CHAT: variants seen among roughly 807,000 people sequenced by gnomAD.
The protein encoded by CHAT is choline O-acetyltransferase.
CHAT carries 61 observed loss-of-function variants against 76.9 expected under a neutral mutation model. That is an observed-to-expected ratio of 0.79 (90% CI 0.65 to 0.98). CHAT has a LOEUF of 0.98. CHAT is among the 50% of genes least tolerant of loss of function. The pLI is 0.00. For synonymous variants in CHAT, 407 were observed against 397.4 expected (o/e 1.02, Z -0.29); for missense variants, 946 against 986.9 (o/e 0.96, Z 0.56).
In CHAT at chr10:49,614,059, G is replaced by C; in HGVS notation, c.-131G>C. ...GGGAAATGCTGAGCTAGGGGCAGGAGGCATGGGCGGGACAGTGTTCTGTGC... is the reference window on the plus strand; with the variant it reads ...GGGAAATGCTGAGCTAGGGGCAGGACGCATGGGCGGGACAGTGTTCTGTGC... On this transcript the variant is annotated 5_prime_UTR_variant, in exon 1 of 15. Coordinates refer to ENST00000337653, the MANE Select transcript of CHAT (RefSeq NM_020549.5). 1 of 1,478,964 alleles carries C rather than the reference G, an allele frequency of 6.8e-7. No homozygotes were observed. Among genetic ancestry groups the C allele is most frequent in the South Asian group, 1.2e-5 (1 of 81,912 alleles). The allele number at this position is 1,478,964 out of a possible 1,614,324, so 91.6% of individuals were successfully genotyped here.
At chr10:49,621,134 A>T (rs1323016950) in intron 4 of CHAT, among the ~76,000 whole-genome samples, 1 of 152,224 alleles carries the variant, frequency 6.6e-6, no homozygotes, top group Non-Finnish European at 1.5e-5. Context: ...ATGACAATGG[A>T]GGATGGGTGC....
At chr10:49,659,326 A>C (rs1460492411) in intron 13 of CHAT, among the ~76,000 whole-genome samples, 1 of 152,252 alleles carries the variant, frequency 6.6e-6, no homozygotes, top group East Asian at 1.9e-4. Flanking sequence ...TTTCTCATAA[A>C]GCTACTGGAG....
rs1838639286 is a variant in CHAT, at chr10:49,619,871, C to T, written c.534C>T (p.Thr178=). Reference sequence around the variant, plus strand: ...GGGCCCCTGGTGGCCTCGGCGAGACCCTGCAGCAGAAACTCCTGGAGCGGC... The same window carrying T: ...GGGCCCCTGGTGGCCTCGGCGAGACTCTGCAGCAGAAACTCCTGGAGCGGC... ...QFGAPGGLGE[T]LQQKLLERQE... The change falls in exon 3 of 15, where the codon ACC becomes ACT. Residue 178 remains threonine (T), a synonymous_variant. Coordinates refer to ENST00000337653, the MANE Select transcript of CHAT (RefSeq NM_020549.5). 6.2e-7 allele frequency: 1 copy of T among 1,613,240 alleles called. No homozygotes were observed. Among genetic ancestry groups the T allele is most frequent in the Admixed American group, 1.7e-5 (1 of 59,940 alleles).
chr10:49,617,946 C>T lies in CHAT; in HGVS notation c.387+1344C>T, dbSNP rs541115256. Among the ~76,000 whole-genome samples the T allele has an allele frequency of 5.3e-5, 8 of 152,260 alleles. No individual in the cohort carries two copies. In the East Asian group the frequency reaches 5.8e-4, roughly 11 times the overall value. Reference sequence around the variant, plus strand: ...AGGCAGGATCAGACAGGCAGAGGGCCGTCATTCATCCATCAGCAGCAGGGG... The same window carrying T: ...AGGCAGGATCAGACAGGCAGAGGGCTGTCATTCATCCATCAGCAGCAGGGG... On this transcript the variant is annotated intron_variant, in intron 2 of 14. Transcript: ENST00000337653.
chr10:49,647,048 A>G (rs576730718), intron 8 of CHAT: 6 of 312,886 alleles, frequency 1.9e-5, no homozygotes, highest in Admixed American at 4.4e-5. Flanking sequence ...TAACAGCCCC[A>G]CTGAACAAAT....
At chr10:49,623,485 G>A (rs1292417347) in intron 5 of CHAT, among the ~76,000 whole-genome samples, 1 of 152,018 alleles carries the variant, frequency 6.6e-6, no homozygotes, top group Non-Finnish European at 1.5e-5. Flanking sequence ...AGTTATGCTG[G>A]GAAGAGGAAG....
At position 49,645,540 on chromosome 10, in the gene CHAT, G is replaced by C. The variant is rs182789990; in HGVS notation, c.1112-965G>C. On this transcript the variant is annotated intron_variant, in intron 7 of 14. Transcript: ENST00000337653. ...TCCTGTTTGGAAGAAATGGGAACAC[G>C]CAGCGGGAGCAGGCCTGGCCCCCAA... 5.9e-5 allele frequency among the ~76,000 whole-genome samples: 9 copies of C among 152,302 alleles called. No individual in the cohort carries two copies. The East Asian group carries it at 1.5e-3, about 26-fold the overall frequency.
At chr10:49,637,442 C>G (rs962668569) in intron 7 of CHAT, 1 of 152,136 alleles carries the variant, frequency 6.6e-6, no homozygotes, top group African/African-American at 2.4e-5. Flanking sequence ...GGGAGGGACC[C>G]GGTGAGAGGT....
intron 7 of CHAT, among the ~76,000 whole-genome samples, chr10:49,638,260 T>C (rs1032153607): frequency 6.6e-6 from 1 of 152,268 alleles, no homozygotes; most frequent in African/African-American, 2.4e-5. Flanking sequence ...CCATTTCTGC[T>C]TTCTTTTGAT....
At chr10:49,664,378 C>T (rs1310886353) in intron 14 of CHAT, among the ~76,000 whole-genome samples, 3 of 152,154 alleles carry the variant, frequency 2.0e-5, no homozygotes, top group Non-Finnish European at 4.4e-5. Context: ...CAGATTTCCT[C>T]CAGTTCATAA....
At chr10:49,643,670 AG>A (rs1839562491) in intron 7 of CHAT, among the ~76,000 whole-genome samples, 2 of 152,174 alleles carry the variant, frequency 1.3e-5, no homozygotes, top group South Asian at 4.2e-4. Flanking sequence ...TGAAGCTCAA[AG>A]CCTCAAAAGT....
At chr10:49,627,440 A>G (rs1424776522) in intron 6 of CHAT, among the ~76,000 whole-genome samples, 168 bp from the exon 7 acceptor site, 1 of 152,204 alleles carries the variant, frequency 6.6e-6, no homozygotes, top group Non-Finnish European at 1.5e-5. Flanking sequence ...GGAATCCAGC[A>G]CAGTCAACAG....
upstream of CHAT, among the ~76,000 whole-genome samples, chr10:49,609,640 G>T (rs1838236461): frequency 6.6e-6 from 1 of 152,134 alleles, no homozygotes; most frequent in Non-Finnish European, 1.5e-5. Flanking sequence ...CAAGCTCCCG[G>T]CCGCGATTCG....
At chr10:49,658,148 A>C (rs969331609) in intron 13 of CHAT, among the ~76,000 whole-genome samples, 2 of 152,018 alleles carry the variant, frequency 1.3e-5, no homozygotes, top group African/African-American at 4.8e-5. Flanking sequence ...TTGGGAGGCC[A>C]AGGCAGGCAG....
At chr10:49,629,819 C>A (rs553933222) in intron 7 of CHAT, among the ~76,000 whole-genome samples, 9 of 152,328 alleles carry the variant, frequency 5.9e-5, no homozygotes, top group African/African-American at 1.9e-4. Context: ...ACAGATCCCC[C>A]CTCCCCAGAG....
At chr10:49,645,661 G>A (rs962915784) in intron 7 of CHAT, among the ~76,000 whole-genome samples, 27 of 152,322 alleles carry the variant, frequency 1.8e-4, no homozygotes, top group African/African-American at 6.0e-4. Context: ...AGGAACGCAT[G>A]TGTCCTTGGT....
At chr10:49,664,628 ACT>A (rs1380500125) in intron 14 of CHAT, 147 bp from the exon 15 acceptor site, 13 of 1,053,606 alleles carry the variant, frequency 1.2e-5, no homozygotes, top group African/African-American at 6.3e-5. Context: ...TGTTTTTATG[ACT>A]CTGGCTGTGT....
At chr10:49,635,223 A>G (rs897962532) in intron 7 of CHAT, among the ~76,000 whole-genome samples, 2 of 152,222 alleles carry the variant, frequency 1.3e-5, no homozygotes, top group South Asian at 2.1e-4. Flanking sequence ...AAACAGTATA[A>G]TTCTCCGGAT....
At chr10:49,647,727 CAA>C (rs1839718660) in intron 8 of CHAT, among the ~76,000 whole-genome samples, 2 of 151,746 alleles carry the variant, frequency 1.3e-5, no homozygotes, top group Non-Finnish European at 2.9e-5. Context: ...TAGCAGTTTT[CAA>C]AAGACACCGC....
Sources: allele counts gnomAD v4.1 joint callset (sites outside exome capture counted in the v4.1 genomes callset), GRCh38; gene constraint gnomAD v4.1.1; transcripts MANE v1.5; gene names NCBI Gene and HGNC (gene_info 2026-07-23, HGNC 2026-07-21).